The following DAB1 variants were observed in gnomAD, a reference collection of about 807,000 sequenced individuals.
The protein encoded by DAB1 is DAB adaptor protein 1, also known as disabled homolog 1.
A neutral mutation model predicts 64.6 loss-of-function variants in DAB1; 15 were observed. That is an observed-to-expected ratio of 0.23 (90% confidence interval 0.16 to 0.36). The LOEUF (loss-of-function observed/expected upper bound fraction) is 0.36. Among genes scored for constraint, DAB1 ranks in the 10% least tolerant of loss-of-function variants. The pLI, the probability that DAB1 is intolerant of heterozygous loss-of-function variation, is 1.00. For synonymous variants in DAB1, 235 were observed against 251.9 expected, an observed-to-expected ratio of 0.93 and a Z score of 0.64; for missense variants, 596 against 706.7, an observed-to-expected ratio of 0.84 and a Z score of 1.78.
At chr1:57,149,942 T>C (rs1284510335) in intron 2 of DAB1, among the ~76,000 whole-genome samples, 2 of 152,144 alleles carry the variant, frequency 1.3e-5, no homozygotes, top group Non-Finnish European at 2.9e-5. Flanking sequence ...CTGTTATTAT[T>C]TTATGGATGA....
intron 6 of DAB1, among the ~76,000 whole-genome samples, chr1:57,689,303 G>T (rs968506746): frequency 6.6e-6 from 1 of 152,124 alleles, no homozygotes; most frequent in African/African-American, 2.4e-5. Context: ...GTGCAGATTG[G>T]CTCAGGTGCC....
intron 1 of DAB1, among the ~76,000 whole-genome samples, chr1:57,349,888 A>T (rs980639208): frequency 6.6e-6 from 1 of 152,200 alleles, no homozygotes; most frequent in Non-Finnish European, 1.5e-5. Context: ...CTCAATAATT[A>T]TGTCTGCAGA....
intron 2 of DAB1, among the ~76,000 whole-genome samples, chr1:57,179,709 G>A (rs887431415): frequency 2.6e-5 from 4 of 152,044 alleles, no homozygotes; most frequent in African/African-American, 9.7e-5. Context: ...TTGGGGAAAC[G>A]GTGAAATTCT....
intron 6 of DAB1, among the ~76,000 whole-genome samples, chr1:57,755,762 C>T (rs936462701): frequency 1.3e-5 from 2 of 152,154 alleles, no homozygotes; most frequent in Non-Finnish European, 2.9e-5. Flanking sequence ...CCCAAAGACT[C>T]TCTAAATCCC....
At chr1:58,283,465 C>T (rs976857764) in intron 4 of DAB1, among the ~76,000 whole-genome samples, 1 of 152,132 alleles carries the variant, frequency 6.6e-6, no homozygotes, top group Non-Finnish European at 1.5e-5. Flanking sequence ...ATCCAATCAT[C>T]CATTCCCACC....
At chr1:58,030,749 G>A (rs1276223960) in intron 5 of DAB1, among the ~76,000 whole-genome samples, 2 of 152,146 alleles carry the variant, frequency 1.3e-5, no homozygotes, top group Admixed American at 6.6e-5. Context: ...TTGAAAGAGT[G>A]AACACATATG....
chr1:58,390,354 A>G (rs1409008858), intron 3 of DAB1, among the ~76,000 whole-genome samples: 1 of 151,882 alleles, frequency 6.6e-6, no homozygotes, highest in Non-Finnish European at 1.5e-5. Context: ...AGGGCCCTGC[A>G]TTGGTTTCAC....
upstream of DAB1, among the ~76,000 whole-genome samples, chr1:57,426,919 A>G (rs1430901314): frequency 1.3e-5 from 2 of 149,092 alleles, no homozygotes; most frequent in Non-Finnish European, 3.0e-5. Context: ...GCTGGAGTGC[A>G]GTGGCGCGAT....
In DAB1 at chr1:57,241,876, G is replaced by T. The variant is rs565315140; in HGVS notation, c.67+49088C>A. ...GCCCCATCCACATATCAACACCCTT[G>T]CATTCTAATGCCAGCTAAGCTAAAG... On this transcript the variant is annotated intron_variant, in intron 2 of 14. Coordinates refer to ENST00000371236, the MANE Select transcript of DAB1 (RefSeq NM_001365792.1). Among the ~76,000 whole-genome samples the T allele has an allele frequency of 2.0e-5, 3 of 152,234 alleles. No individual in the cohort carries two copies. The South Asian group carries it at 6.2e-4, about 32-fold the overall frequency.
chr1:57,771,271 T>C (rs1402720977), intron 6 of DAB1, among the ~76,000 whole-genome samples: 1 of 152,150 alleles, frequency 6.6e-6, no homozygotes, highest in African/African-American at 2.4e-5. Flanking sequence ...GAATTTGTAA[T>C]TCATAAAAGC....
chr1:57,209,304 G>A (rs747492546), intron 2 of DAB1, among the ~76,000 whole-genome samples: 29 of 152,188 alleles, frequency 1.9e-4, no homozygotes, highest in Non-Finnish European at 3.2e-4. Flanking sequence ...AGTGTGGAAA[G>A]CCTAAACCAT....
intron 10 of DAB1, among the ~76,000 whole-genome samples, chr1:57,024,614 AAC>A (rs1646727188): frequency 6.6e-6 from 1 of 152,188 alleles, no homozygotes; most frequent in African/African-American, 2.4e-5. Flanking sequence ...CAGGGCCAGA[AAC>A]ACAGCCATGA....
intron 1 of DAB1, among the ~76,000 whole-genome samples, chr1:57,313,338 CT>C (rs1170268448): frequency 2.6e-5 from 4 of 152,190 alleles, no homozygotes; most frequent in Non-Finnish European, 4.4e-5. Context: ...CTGAGCACTG[CT>C]TCTTTCATAG....
intron 14 of DAB1, among the ~76,000 whole-genome samples, chr1:57,003,586 A>G (rs1250116433): frequency 6.6e-6 from 1 of 152,130 alleles, no homozygotes; most frequent in Non-Finnish European, 1.5e-5. Flanking sequence ...TGTACAATTC[A>G]GCAGCATTAA....
At chr1:57,140,312 G>C (rs577644301) in intron 3 of DAB1, among the ~76,000 whole-genome samples, 1 of 152,092 alleles carries the variant, frequency 6.6e-6, no homozygotes, top group Admixed American at 6.6e-5. Flanking sequence ...TCACAATCCT[G>C]GGAAGTAAGA....
intron 5 of DAB1, among the ~76,000 whole-genome samples, chr1:58,022,657 A>G (rs1281886951): frequency 2.0e-5 from 3 of 152,212 alleles, no homozygotes; most frequent in Non-Finnish European, 4.4e-5. Flanking sequence ...CCCTTAAAAT[A>G]AAATCAATTA....
intron 4 of DAB1, among the ~76,000 whole-genome samples, chr1:58,240,151 C>G (rs1660224989): frequency 6.6e-6 from 1 of 152,116 alleles, no homozygotes; most frequent in East Asian, 1.9e-4. Context: ...ACCCATTCTT[C>G]CCACATTCCA....
intron 6 of DAB1, among the ~76,000 whole-genome samples, chr1:57,695,063 G>A (rs1432930448): frequency 2.0e-5 from 3 of 151,472 alleles, no homozygotes; most frequent in Non-Finnish European, 1.5e-5. Flanking sequence ...ATAAATAAAA[G>A]AGTTGCATAA....
intron 4 of DAB1, among the ~76,000 whole-genome samples, chr1:58,321,614 G>T (rs557360948): frequency 6.6e-6 from 1 of 152,248 alleles, no homozygotes; most frequent in African/African-American, 2.4e-5. Flanking sequence ...ATTATATCCC[G>T]TGCCTGGCTT....
Sources: allele counts gnomAD v4.1 joint callset (sites outside exome capture counted in the v4.1 genomes callset), GRCh38; gene constraint gnomAD v4.1.1; transcripts MANE v1.5; gene names NCBI Gene and HGNC (gene_info 2026-07-23, HGNC 2026-07-21).